Variants in NUP205 observed in about 807,000 individuals in gnomAD.
NUP205 encodes the protein nucleoporin 205.
NUP205 carries 76 observed loss-of-function variants against 253.8 expected under a neutral mutation model. The ratio of observed to expected loss-of-function variants is 0.30; its 90% CI spans 0.25 to 0.36. NUP205 has a LOEUF of 0.36. Among genes scored for constraint, NUP205 ranks in the 10% least tolerant of loss-of-function variants. The pLI, the probability that NUP205 is intolerant of heterozygous loss-of-function variation, is 1.00. For synonymous variants in NUP205, 832 were observed against 850.1 expected (o/e 0.98, Z 0.37); for missense variants, 2,162 against 2,425.5 (o/e 0.89, Z 2.28).
At chr7:135,574,728 A>G (rs1040931668) in intron 3 of NUP205, among the ~76,000 whole-genome samples, 4 of 152,238 alleles carry the variant, frequency 2.6e-5, no homozygotes, top group Admixed American at 1.3e-4. Context: ...TTAAGCAGAG[A>G]CATTACATAA....
chr7:135,634,315 C>T lies in NUP205; in HGVS notation c.5060-1266C>T, dbSNP rs112964354. Among the ~76,000 whole-genome samples the T allele has an allele frequency of 5.6e-3, 856 of 152,206 alleles. 15 individuals carry two copies. The highest frequency in any genetic ancestry group is 0.052 in the East Asian group (267 of 5,178). ...GATGGCATTTAGCAGAAAGATCTTA[C>T]GGAACCTGAGAACTGGAAGTCCTTT... On this transcript the variant is annotated intron_variant, in intron 35 of 42. Transcript: ENST00000285968.
chr7:135,608,976 C>T (rs920919178), intron 22 of NUP205, among the ~76,000 whole-genome samples: 3 of 150,828 alleles, frequency 2.0e-5, no homozygotes, highest in Admixed American at 6.6e-5. Context: ...TGGTTGTGGA[C>T]GCCTGTAATC....
intron 22 of NUP205, among the ~76,000 whole-genome samples, chr7:135,610,510 G>A (rs1030814574): frequency 2.0e-5 from 3 of 152,160 alleles, no homozygotes; most frequent in Non-Finnish European, 2.9e-5. Context: ...GTGAGCCACC[G>A]TGCCCGGCCA....
At chr7:135,612,787 C>G (rs547621609) in intron 22 of NUP205, among the ~76,000 whole-genome samples, 3 of 152,250 alleles carry the variant, frequency 2.0e-5, no homozygotes, top group African/African-American at 7.2e-5. Context: ...TGAGGATTGA[C>G]TGTGTTGGGT....
intron 1 of NUP205, among the ~76,000 whole-genome samples, chr7:135,561,874 A>G (rs778848019): frequency 4.0e-5 from 6 of 151,860 alleles, no homozygotes; most frequent in Non-Finnish European, 7.4e-5. Flanking sequence ...GTTAGTATTC[A>G]TGGACTCCAT....
At chr7:135,585,639 C>T (rs897227431) in intron 8 of NUP205, among the ~76,000 whole-genome samples, 5 of 151,788 alleles carry the variant, frequency 3.3e-5, no homozygotes, top group African/African-American at 7.3e-5. Context: ...CTGCAATCTC[C>T]GCCTCCTGGG....
chr7:135,575,785 A>G (rs1275601987), intron 3 of NUP205, among the ~76,000 whole-genome samples: 2 of 152,104 alleles, frequency 1.3e-5, no homozygotes, highest in East Asian at 1.9e-4. Context: ...GTGAGACTCC[A>G]TCTCAAAAAA....
intron 1 of NUP205, among the ~76,000 whole-genome samples, chr7:135,570,376 G>A (rs141522736): frequency 0.014 from 2,051 of 151,354 alleles, 50 homozygotes; most frequent in African/African-American, 0.047. Flanking sequence ...CACCACACCC[G>A]GCTAATTTTT....
In NUP205 at chr7:135,577,108, A is replaced by G. The variant is rs757415839; in HGVS notation, c.628A>G (p.Ser210Gly). ...ACTACAGCGAGAGAGAGGTTTGGGC[A>G]GTGAAAAACATCGCAAAGAGGCAAG... Reference protein sequence around the residue: ...EKLQRERGLGSEKHRKEVSDL... With the variant: ...EKLQRERGLGGEKHRKEVSDL... The change falls in exon 5 of 43, where the codon AGT becomes GGT. Residue 210 changes from serine to glycine, a missense_variant. By Grantham distance (56) the Ser-to-Gly change is moderately conservative. This residue lies in a region of NUP205 where 892 missense variants were observed against 957.1 expected (regional missense o/e 0.93). Coordinates refer to ENST00000285968, the MANE Select transcript of NUP205 (RefSeq NM_015135.3). 4 of 1,610,766 alleles carry G rather than the reference A, an allele frequency of 2.5e-6. No homozygotes were observed. The highest frequency in any genetic ancestry group is 3.4e-6 in the Non-Finnish European group (4 of 1,179,126).
intron 10 of NUP205, among the ~76,000 whole-genome samples, chr7:135,588,737 A>G (rs1806541461): frequency 6.6e-6 from 1 of 151,216 alleles, no homozygotes; most frequent in Non-Finnish European, 1.5e-5. Context: ...CATAGGCATG[A>G]CAATCTTTTC....
chr7:135,570,772 T>TATATTAATTATATTAATATATTATATTA (rs1805959060), intron 1 of NUP205, among the ~76,000 whole-genome samples: 11 of 78,176 alleles, frequency 1.4e-4, no homozygotes, highest in East Asian at 3.2e-4. Flanking sequence ...ATTATATTAA[T>TATATTAATTATATTAATATATTATATTA]ATATATTAAT....
chr7:135,564,779 G>A (rs1805700497), intron 1 of NUP205, among the ~76,000 whole-genome samples: 3 of 151,558 alleles, frequency 2.0e-5, no homozygotes, highest in Admixed American at 2.0e-4. Context: ...TTGTTTGTTT[G>A]TTTTTTGAGA....
At chr7:135,606,722 TA>T (rs780186318) in intron 20 of NUP205, 28 bp from the exon 21 acceptor site, 1 of 1,587,598 alleles carries the variant, frequency 6.3e-7, no homozygotes. Context: ...CACTGTTTTG[TA>T]ATTTTGTTTT....
intron 7 of NUP205, among the ~76,000 whole-genome samples, chr7:135,583,315 A>G (rs137875837): frequency 5.9e-5 from 9 of 152,272 alleles, no homozygotes; most frequent in African/African-American, 2.2e-4. Context: ...GTAATTTTAT[A>G]TTCAAAATTT....
rs559177687 is a variant in NUP205, at chr7:135,581,112, G to A, written c.1042+2197G>A. 3.9e-5 allele frequency among the ~76,000 whole-genome samples: 6 copies of A among 152,212 alleles called. No homozygotes were observed. In the South Asian group the frequency reaches 1.2e-3, roughly 32 times the overall value. On this transcript the variant is annotated intron_variant, in intron 7 of 42. Transcript: ENST00000285968. ...AATTGTTAGAAAAAATGACTAGCTT[G>A]TGTTATTTTGCAGAAATGGTCACTT...
chr7:135,630,597 CTTTA>C (rs926201742), intron 35 of NUP205, 127 bp downstream of exon 35: 8 of 693,438 alleles, frequency 1.2e-5, no homozygotes, highest in South Asian at 6.2e-5. Flanking sequence ...CTAACAGAGC[CTTTA>C]TTTATGTAAT....
chr7:135,607,802 T>G (rs958059181), intron 22 of NUP205, among the ~76,000 whole-genome samples: 1 of 151,976 alleles, frequency 6.6e-6, no homozygotes, highest in East Asian at 1.9e-4. Flanking sequence ...AGAATGTAAG[T>G]GAAAGCACTT....
rs1805794173 is a variant in NUP205 at position 135,567,135 on chromosome 7, T to TAC, written c.29-3969_29-3968insCA. Among the ~76,000 whole-genome samples the TAC allele has an allele frequency of 3.2e-4, 5 of 15,872 alleles. No homozygotes were observed. The South Asian group carries it at 6.4e-3, about 20-fold the overall frequency. 10.4% of individuals were successfully genotyped at this position (15,872 alleles called of 152,430 possible). A position where few individuals can be genotyped will look rare whatever the true frequency, so the allele number is the denominator to read the frequency against. On this transcript the variant is annotated intron_variant, in intron 1 of 42. Transcript: ENST00000285968. ...CTTGCTCAGTCTATGTGTGTATATA[T>TAC]ATATATATATATATATATATATATA...
intron 35 of NUP205, among the ~76,000 whole-genome samples, chr7:135,631,878 C>T (rs1205990673): frequency 2.0e-5 from 3 of 151,746 alleles, no homozygotes; most frequent in Non-Finnish European, 4.4e-5. Flanking sequence ...GCCTCCCGAG[C>T]AGCTGGGACT....
Sources: allele counts gnomAD v4.1 joint callset (sites outside exome capture counted in the v4.1 genomes callset), GRCh38; gene constraint gnomAD v4.1.1; regional missense constraint gnomAD v4.1.1; transcripts MANE v1.5; gene names NCBI Gene and HGNC (gene_info 2026-07-23, HGNC 2026-07-21).